Variants in CHAF1B observed in about 807,000 individuals in gnomAD.
CHAF1B encodes CAF-1 subunit B.
CHAF1B carries 10 observed loss-of-function variants against 60.7 expected under a neutral mutation model. The ratio of observed to expected loss-of-function variants is 0.16; its 90% confidence interval spans 0.10 to 0.28. The LOEUF (loss-of-function observed/expected upper bound fraction) is 0.28. Ranked by LOEUF, CHAF1B falls within the 10% of genes least tolerant of loss-of-function variation. The pLI is 1.00. For missense variants in CHAF1B, 558 were observed against 708.4 expected (o/e 0.79, Z 2.41); for synonymous variants, 261 against 266.1 (o/e 0.98, Z 0.19).
chr21:36,407,834 C>T (rs992488160), intron 8 of CHAF1B, among the ~76,000 whole-genome samples: 4 of 151,862 alleles, frequency 2.6e-5, no homozygotes, highest in South Asian at 2.1e-4. Context: ...AAAAATTAGC[C>T]GGGCATCGTG....
rs2086320927 is a variant in CHAF1B at position 36,416,477 on chromosome 21, A to C, written c.*111A>C. 1 of 689,402 alleles carries C rather than the reference A, an allele frequency of 1.5e-6. No individual in the cohort carries two copies. The highest frequency in any genetic ancestry group is 2.4e-6 in the Non-Finnish European group (1 of 421,768). The allele number at this position is 689,402 out of a possible 1,614,324, so 42.7% of individuals were successfully genotyped here. On this transcript the variant is annotated 3_prime_UTR_variant, in exon 14 of 14. Coordinates refer to ENST00000314103, the MANE Select transcript of CHAF1B (RefSeq NM_005441.3). Reference sequence around the variant, plus strand: ...TTCCATGGAGCGGGACACACTGTAAATGGATTTCTATAACAGAAGTGACAT... The same window carrying C: ...TTCCATGGAGCGGGACACACTGTAACTGGATTTCTATAACAGAAGTGACAT...
Position 36,415,286 on chromosome 21 carries a change from TA to T in CHAF1B, c.1494-6del. 3 of 1,541,676 alleles carry T rather than the reference TA, an allele frequency of 1.9e-6. No individual in the cohort carries two copies. The highest frequency in any genetic ancestry group is 8.9e-7 in the Non-Finnish European group (1 of 1,118,166). Reference sequence around the variant, plus strand: ...CATCACCCCTCTACTTTTTTTTTTTTAAATCAAGGAGAATAAACTTAACACC... The same window carrying T: ...CATCACCCCTCTACTTTTTTTTTTTTAATCAAGGAGAATAAACTTAACACC... On this transcript the variant is annotated splice_polypyrimidine_tract_variant and splice_region_variant and intron_variant, in intron 12 of 13. Coordinates refer to ENST00000314103, the MANE Select transcript of CHAF1B (RefSeq NM_005441.3).
At chr21:36,394,003 G>T (rs1170765541) in intron 4 of CHAF1B, among the ~76,000 whole-genome samples, 1 of 151,980 alleles carries the variant, frequency 6.6e-6, no homozygotes, top group African/African-American at 2.4e-5. Context: ...GGGTTCAGGG[G>T]ATTCTCCTGC....
intron 10 of CHAF1B, among the ~76,000 whole-genome samples, chr21:36,409,672 A>G (rs2086262394): frequency 6.6e-6 from 1 of 151,474 alleles, no homozygotes; most frequent in African/African-American, 2.4e-5. Context: ...TAATTTTTGT[A>G]TTTTTGGTAG....
At chr21:36,416,252 C>T (rs763502573) in intron 13 of CHAF1B, 23 bp from the exon 14 acceptor site, 2 of 1,598,482 alleles carry the variant, frequency 1.3e-6, no homozygotes, top group Non-Finnish European at 1.7e-6. Context: ...TACTTGCCAA[C>T]CTTATGTTTG....
In CHAF1B at chr21:36,415,468, C is replaced by T; in HGVS notation, c.1588+79C>T. ...TTGTTCTTTTGGAAATTAATGCCGC[C>T]TAATTTTAAGTCAGTTCTGAGACAG... On this transcript the variant is annotated intron_variant, in intron 13 of 13. Coordinates refer to ENST00000314103, the MANE Select transcript of CHAF1B (RefSeq NM_005441.3). 3.0e-6 allele frequency: 3 copies of T among 1,008,082 alleles called. 1 individual carries two copies. Among genetic ancestry groups the T allele is most frequent in the South Asian group, 2.6e-5 (2 of 75,584 alleles). The allele number at this position is 1,008,082 out of a possible 1,614,324, so 62.4% of individuals were successfully genotyped here.
In CHAF1B at chr21:36,387,720, G is replaced by T; in HGVS notation, c.249G>T (p.Ser83=). 6.2e-7 allele frequency: 1 copy of T among 1,614,106 alleles called. No individual in the cohort carries two copies. Among genetic ancestry groups the T allele is most frequent in the Non-Finnish European group, 8.5e-7 (1 of 1,180,016 alleles). ...RFSPTGEILA[S]GGDDAVILLW... is the part of the protein sequence containing the mutation. ...CTCCAACTGGGGAAATTTTAGCATC[G>T]GGAGGAGATGGTGAGTATTGCTGTC... The change falls in exon 3 of 14, where the codon TCG becomes TCT. Residue 83 remains serine (S), a synonymous_variant. Transcript: ENST00000314103.
In CHAF1B at chr21:36,416,491, C is replaced by A; in HGVS notation, c.*125C>A. On this transcript the variant is annotated 3_prime_UTR_variant, in exon 14 of 14. Transcript: ENST00000314103. The stretch of plus-strand genomic sequence containing the variant: ...ACACACTGTAAATGGATTTCTATAA[C>A]AGAAGTGACATGTGTACTGATTTTT... 1.6e-6 allele frequency: 1 copy of A among 630,412 alleles called. No individual in the cohort carries two copies. Among genetic ancestry groups the A allele is most frequent in the East Asian group, 2.8e-5 (1 of 36,138 alleles). 39.1% of individuals were successfully genotyped at this position (630,412 alleles called of 1,614,324 possible).
chr21:36,410,041 G>A (rs1263296409), intron 10 of CHAF1B, among the ~76,000 whole-genome samples: 2 of 150,170 alleles, frequency 1.3e-5, no homozygotes, highest in Non-Finnish European at 2.9e-5. Context: ...TTGGCTCACT[G>A]CAAACCCTGC....
rs1362727197 is a variant in CHAF1B, at chr21:36,415,491, CAG to C, written c.1588+103_1588+104del. 6.9e-5 allele frequency: 57 copies of C among 826,506 alleles called. No homozygotes were observed. The Admixed American group carries it at 9.9e-4, about 14-fold the overall frequency. 51.2% of individuals were successfully genotyped at this position (826,506 alleles called of 1,614,324 possible). On this transcript the variant is annotated intron_variant, in intron 13 of 13. Transcript: ENST00000314103. ...GCCTAATTTTAAGTCAGTTCTGAGA[CAG>C]CAGGGATGCATCTTATTGGAACCAT...
chr21:36,389,759 ATG>A (rs1555911822), intron 3 of CHAF1B, among the ~76,000 whole-genome samples: 7,768 of 125,720 alleles, frequency 0.062, 232 homozygotes, highest in East Asian at 0.097. Context: ...GCATGAAGGG[ATG>A]TGTGTGTGTG....
chr21:36,396,837 C>A (rs1459270756), intron 5 of CHAF1B, among the ~76,000 whole-genome samples: 1 of 151,996 alleles, frequency 6.6e-6, no homozygotes. Flanking sequence ...AACTAGTGAC[C>A]CTCTTTGTCA....
At position 36,386,126 on chromosome 21, in the gene CHAF1B, G is replaced by C. The variant is rs1042074120; in HGVS notation, c.-11G>C. 2.5e-6 allele frequency: 4 copies of C among 1,613,772 alleles called. No homozygotes were observed. The African/African-American group carries it at 4.0e-5, about 16-fold the overall frequency. On this transcript the variant is annotated 5_prime_UTR_variant, in exon 2 of 14. Transcript: ENST00000314103. The stretch of plus-strand genomic sequence containing the variant: ...CCCGAGAAACGTTTTTCCCCTTCGA[G>C]ACTCAGGAGGATGAAAGTCATCACT...
rs2086028407 is a variant in CHAF1B, at chr21:36,385,973, AGT to A, written c.-77-83_-77-82del. Reference sequence around the variant, plus strand: ...CAACGTTAACATCCTTTCCCAATGCAGTGTGCATTTTAAATGGCTCCTGGCCC... The same window carrying A: ...CAACGTTAACATCCTTTCCCAATGCAGTGCATTTTAAATGGCTCCTGGCCC... On this transcript the variant is annotated intron_variant, in intron 1 of 13. Coordinates refer to ENST00000314103, the MANE Select transcript of CHAF1B (RefSeq NM_005441.3). The A allele has an allele frequency of 5.7e-6, 4 of 707,100 alleles. No homozygotes were observed. In the South Asian group the frequency reaches 7.6e-5, roughly 13 times the overall value. 43.8% of individuals were successfully genotyped at this position (707,100 alleles called of 1,614,324 possible). A position where few individuals can be genotyped will look rare whatever the true frequency, so the allele number is the denominator to read the frequency against.
At chr21:36,404,725 C>T (rs1400461545) in intron 8 of CHAF1B, among the ~76,000 whole-genome samples, 7 of 105,932 alleles carry the variant, frequency 6.6e-5, no homozygotes, top group African/African-American at 2.2e-4. Context: ...TGAGCCATTG[C>T]GCTGGCCTTT....
intron 3 of CHAF1B, among the ~76,000 whole-genome samples, chr21:36,390,675 A>G (rs2086079598): frequency 6.6e-6 from 1 of 152,144 alleles, no homozygotes. Context: ...CTCATTTTTG[A>G]GACAGGGTCT....
intron 10 of CHAF1B, 110 bp from the exon 11 acceptor site, chr21:36,411,353 A>G: frequency 1.5e-6 from 2 of 1,302,526 alleles, no homozygotes; most frequent in East Asian, 2.3e-5. Flanking sequence ...AGCTCAAGTG[A>G]TCCACCCGGC....
chr21:36,404,775 G>A (rs1251150739), intron 8 of CHAF1B, among the ~76,000 whole-genome samples: 4 of 95,630 alleles, frequency 4.2e-5, no homozygotes, highest in African/African-American at 4.2e-5. Flanking sequence ...GCAGAGTCTC[G>A]CTCTGTCACC....
intron 5 of CHAF1B, among the ~76,000 whole-genome samples, 181 bp from the exon 6 acceptor site, chr21:36,397,234 A>T (rs1320741965): frequency 6.6e-6 from 1 of 152,138 alleles, no homozygotes; most frequent in African/African-American, 2.4e-5. Context: ...TGGGGACTGC[A>T]TGAAGTCATC....
Sources: gnomAD v4.1 joint callset for allele counts (sites outside exome capture counted in the v4.1 genomes callset) on GRCh38, gnomAD v4.1.1 for gene constraint, MANE v1.5 for transcripts, NCBI Gene and HGNC (gene_info 2026-07-23, HGNC 2026-07-21) for gene names.